The following SSH2 variants were observed in gnomAD, a reference collection of about 807,000 sequenced individuals.
SSH2 encodes the protein protein phosphatase Slingshot homolog 2.
A neutral mutation model predicts 135.2 loss-of-function variants in SSH2; 37 were observed. That is an observed-to-expected ratio of 0.27 (90% CI 0.21 to 0.36). SSH2 has a LOEUF of 0.36. SSH2 is among the 10% of genes least tolerant of loss of function. The pLI is 1.00. For missense variants in SSH2, 1,408 were observed against 1,765.3 expected (o/e 0.80, Z 3.63); for synonymous variants, 628 against 646.2 (o/e 0.97, Z 0.43).
rs987337563 is a variant in SSH2 at position 29,925,438 on chromosome 17, G to A, written c.63+4500C>T. Reference sequence around the variant, plus strand: ...TATTGTAGACTTGAAAATTGTAGCCGGTCACAGTGGCTCATGACTATAATC... The same window carrying A: ...TATTGTAGACTTGAAAATTGTAGCCAGTCACAGTGGCTCATGACTATAATC... On this transcript the variant is annotated intron_variant, in intron 1 of 15. Transcript: ENST00000540801. 7 of 398,010 alleles carry A rather than the reference G, an allele frequency of 1.8e-5. No individual in the cohort carries two copies. The South Asian group carries it at 5.1e-4, about 29-fold the overall frequency. The allele number at this position is 398,010 out of a possible 1,614,324, so 24.7% of individuals were successfully genotyped here.
intron 2 of SSH2, among the ~76,000 whole-genome samples, chr17:29,847,576 T>A (rs1485996213): frequency 1.3e-5 from 2 of 152,158 alleles, no homozygotes; most frequent in Non-Finnish European, 2.9e-5. Context: ...TCCCTTCACT[T>A]CCCTCCAGAA....
rs1019964542 is a variant in SSH2 at position 29,901,860 on chromosome 17, T to C, written c.63+28078A>G. On this transcript the variant is annotated intron_variant, in intron 1 of 15. Coordinates refer to ENST00000540801, the MANE Select transcript of SSH2 (RefSeq NM_001282129.2). ...GCAATGGCATGTGATCATACCTCAA[T>C]GCAGCTTTGAACTCCTGGGCTCAAA... Among the ~76,000 whole-genome samples the C allele has an allele frequency of 6.4e-4, 98 of 152,130 alleles. 1 individual carries two copies. Among genetic ancestry groups the C allele is most frequent in the Admixed American group, 6.6e-5 (1 of 15,252 alleles).
chr17:29,760,494 A>G (rs1436267716), intron 3 of SSH2, among the ~76,000 whole-genome samples: 1 of 152,212 alleles, frequency 6.6e-6, no homozygotes, highest in Non-Finnish European at 1.5e-5. Context: ...GCTAAACCAC[A>G]GTGGAATGAC....
intron 3 of SSH2, among the ~76,000 whole-genome samples, chr17:29,790,729 ATTTT>A (rs202130886): frequency 7.1e-6 from 1 of 140,810 alleles, no homozygotes; most frequent in Admixed American, 7.2e-5. Flanking sequence ...GTACTGAAAG[ATTTT>A]TTTTTTTTTT....
chr17:29,749,825 C>G (rs1356152933), intron 3 of SSH2, among the ~76,000 whole-genome samples: 1 of 152,142 alleles, frequency 6.6e-6, no homozygotes, highest in South Asian at 2.1e-4. Context: ...CTCCTGGGCT[C>G]AAGAGATTCT....
chr17:29,732,589 CA>C (rs2093729436), intron 3 of SSH2, among the ~76,000 whole-genome samples: 2 of 152,160 alleles, frequency 1.3e-5, no homozygotes, highest in African/African-American at 4.8e-5. Context: ...ATAATTCTAA[CA>C]GTAGAAATGG....
intron 2 of SSH2, among the ~76,000 whole-genome samples, chr17:29,816,252 G>A (rs1351974395): frequency 6.6e-6 from 1 of 152,108 alleles, no homozygotes; most frequent in Non-Finnish European, 1.5e-5. Flanking sequence ...TATTCTCAGA[G>A]CATCAAATTT....
chr17:29,846,974 TAC>T (rs1178403495), intron 2 of SSH2, among the ~76,000 whole-genome samples: 1 of 152,178 alleles, frequency 6.6e-6, no homozygotes, highest in Non-Finnish European at 1.5e-5. Context: ...TAAAAAACAA[TAC>T]AGTTTTGAAA....
chr17:29,636,882 T>A, intron 14 of SSH2, 80 bp from the exon 15 acceptor site: 1 of 1,004,362 alleles, frequency 1.0e-6, no homozygotes, highest in South Asian at 1.6e-5. Flanking sequence ...CACTCCCAGA[T>A]AAATCTTAAC....
At chr17:29,893,670 G>C (rs1018891324) in intron 1 of SSH2, among the ~76,000 whole-genome samples, 1 of 152,226 alleles carries the variant, frequency 6.6e-6, no homozygotes, top group South Asian at 2.1e-4. Flanking sequence ...TAGCAGGAAT[G>C]AGACTATGAC....
intron 14 of SSH2, chr17:29,643,213 G>T (rs560413226): frequency 1.0e-6 from 1 of 985,272 alleles, no homozygotes; most frequent in South Asian, 4.7e-5. Context: ...GGGCGAGTCT[G>T]CTGGGCCTAT....
rs558669364 is a variant in SSH2, at chr17:29,669,032, T to C, written c.810-1809A>G. Among the ~76,000 whole-genome samples the C allele has an allele frequency of 8.7e-4, 132 of 152,140 alleles. 1 individual carries two copies. Among genetic ancestry groups the C allele is most frequent in the African/African-American group, 2.9e-3 (119 of 41,508 alleles). On this transcript the variant is annotated intron_variant, in intron 9 of 15. Transcript: ENST00000540801. ...GGGAGGCTGAGGCAGGTGGATCACC[T>C]GAGGTTAAGAGTTCGAGACCAGCCT... is the stretch of plus-strand genomic sequence containing the variant.
chr17:29,653,922 G>A (rs1422732669), intron 12 of SSH2, among the ~76,000 whole-genome samples: 1 of 152,122 alleles, frequency 6.6e-6, no homozygotes, highest in East Asian at 1.9e-4. Flanking sequence ...GATGACTTGA[G>A]AAGCTTGTAA....
intron 1 of SSH2, among the ~76,000 whole-genome samples, chr17:29,901,998 G>A (rs1288912276): frequency 6.6e-6 from 1 of 151,858 alleles, no homozygotes; most frequent in African/African-American, 2.4e-5. Flanking sequence ...TCTTGCTCAG[G>A]CTGGTCTTGA....
chr17:29,824,427 T>C (rs2042708264), intron 2 of SSH2, among the ~76,000 whole-genome samples: 1 of 152,098 alleles, frequency 6.6e-6, no homozygotes, highest in Non-Finnish European at 1.5e-5. Flanking sequence ...CCCTCCCCTG[T>C]GTCTTTTTAA....
chr17:29,627,650 C>T lies in SSH2; in HGVS notation c.*3191G>A, dbSNP rs571947252. ...CTAAGATGATAGGAATGATCCCAAA[C>T]ATTTAGAATCTGAAAGGCAACTAAA... On this transcript the variant is annotated 3_prime_UTR_variant, in exon 16 of 16. Coordinates refer to ENST00000540801, the MANE Select transcript of SSH2 (RefSeq NM_001282129.2). 1.6e-4 allele frequency: 25 copies of T among 152,604 alleles called. No homozygotes were observed. The highest frequency in any genetic ancestry group is 8.3e-4 in the South Asian group (4 of 4,832). 9.5% of individuals were successfully genotyped at this position (152,604 alleles called of 1,614,324 possible). A position where few individuals can be genotyped will look rare whatever the true frequency, so the allele number is the denominator to read the frequency against.
chr17:29,756,260 T>A, intron 3 of SSH2, among the ~76,000 whole-genome samples: 1 of 143,730 alleles, frequency 7.0e-6, no homozygotes, highest in African/African-American at 2.6e-5. Context: ...CGAGACTCTG[T>A]CTCAAAAAAA....
At chr17:29,837,983 G>A (rs375053748) in intron 2 of SSH2, among the ~76,000 whole-genome samples, 22 of 152,320 alleles carry the variant, frequency 1.4e-4, no homozygotes, top group African/African-American at 4.8e-4. Context: ...TGGAGCAGGC[G>A]GGAGCCCTGC....
intron 4 of SSH2, among the ~76,000 whole-genome samples, chr17:29,697,794 A>G (rs966588073): frequency 1.3e-5 from 2 of 152,196 alleles, no homozygotes; most frequent in Non-Finnish European, 2.9e-5. Flanking sequence ...GGCCAGATCC[A>G]TTCTACTACA....
Sources: gnomAD v4.1 joint callset for allele counts (sites outside exome capture counted in the v4.1 genomes callset) on GRCh38, gnomAD v4.1.1 for gene constraint, MANE v1.5 for transcripts, NCBI Gene and HGNC (gene_info 2026-07-23, HGNC 2026-07-21) for gene names.